The following BCAS3 variants were observed in gnomAD, a reference collection of about 807,000 sequenced individuals.
BCAS3 encodes the protein BCAS3 microtubule associated cell migration factor, also known as BCAS4/BCAS3 fusion.
A neutral mutation model predicts 116.1 loss-of-function variants in BCAS3; 53 were observed. That is an observed-to-expected ratio of 0.46 (90% CI 0.37 to 0.57). The LOEUF is 0.57. Ranked by LOEUF, BCAS3 falls within the 20% of genes least tolerant of loss-of-function variation. The pLI, the probability that BCAS3 is intolerant of heterozygous loss-of-function variation, is 0.00. For synonymous variants in BCAS3, 391 were observed against 408.2 expected (o/e 0.96, Z 0.51); for missense variants, 917 against 1,165.4 (o/e 0.79, Z 3.10).
At position 61,226,016 on chromosome 17, in the gene BCAS3, A is replaced by G. The variant is rs556212481; in HGVS notation, c.2425+141452A>G. Reference sequence around the variant, plus strand: ...GTAAATTGCCTGCTTTTCCCCTGTCATCTGCTAATTCCAATTTGATACTGT... The same window carrying G: ...GTAAATTGCCTGCTTTTCCCCTGTCGTCTGCTAATTCCAATTTGATACTGT... On this transcript the variant is annotated intron_variant, in intron 22 of 23. Coordinates refer to ENST00000407086, the MANE Select transcript of BCAS3 (RefSeq NM_017679.5). This position sits in a 1 kb window ranked among gnomAD's most constrained non-coding sequence, Gnocchi z 6.0. Among the ~76,000 whole-genome samples the G allele has an allele frequency of 6.6e-6, 1 of 152,128 alleles. No homozygotes were observed. The highest frequency in any genetic ancestry group is 1.9e-4 in the East Asian group (1 of 5,192).
At chr17:60,694,046 C>G (rs992779437) in intron 4 of BCAS3, among the ~76,000 whole-genome samples, 1 of 150,750 alleles carries the variant, frequency 6.6e-6, no homozygotes, top group Non-Finnish European at 1.5e-5. Context: ...CCACCATGCC[C>G]GGCTAATTTT....
intron 19 of BCAS3, among the ~76,000 whole-genome samples, chr17:61,053,018 G>A (rs918146798): frequency 2.0e-5 from 3 of 152,010 alleles, no homozygotes; most frequent in African/African-American, 7.2e-5. Flanking sequence ...CGCCTGGCCT[G>A]TGGTGAGTTT....
rs920301431 is a variant in BCAS3, at chr17:61,199,747, A to G, written c.2425+115183A>G. Among the ~76,000 whole-genome samples the G allele has an allele frequency of 2.0e-5, 3 of 150,276 alleles. No homozygotes were observed. Among genetic ancestry groups the G allele is most frequent in the Non-Finnish European group, 4.4e-5 (3 of 67,604 alleles). On this transcript the variant is annotated intron_variant, in intron 22 of 23. Coordinates refer to ENST00000407086, the MANE Select transcript of BCAS3 (RefSeq NM_017679.5). The surrounding 1 kb of genome is among the most constrained non-coding windows in gnomAD (Gnocchi z 4.6). ...GGATCCCTATGATCTTTGTAAGCGT[A>G]TTCATGCCAGGAATGTTGTCCTCAG...
At chr17:60,999,573 A>AAAG (rs2064097193) in intron 15 of BCAS3, among the ~76,000 whole-genome samples, 8 of 138,038 alleles carry the variant, frequency 5.8e-5, no homozygotes, top group African/African-American at 2.5e-4. Flanking sequence ...AAGAAAAAGA[A>AAAG]AAAGAAATGT....
intron 22 of BCAS3, among the ~76,000 whole-genome samples, chr17:61,291,020 T>G (rs1390716429): frequency 6.6e-6 from 1 of 152,164 alleles, no homozygotes; most frequent in East Asian, 1.9e-4. Flanking sequence ...GACCTCATAA[T>G]CCACCCGCCT....
intron 19 of BCAS3, among the ~76,000 whole-genome samples, chr17:61,042,734 G>C (rs1411192066): frequency 6.7e-6 from 1 of 149,922 alleles, no homozygotes; most frequent in South Asian, 2.1e-4. Context: ...CTAAAAATAC[G>C]AAAAAATTAG....
At chr17:61,031,929 TG>T (rs1250968333) in intron 16 of BCAS3, among the ~76,000 whole-genome samples, 1 of 152,162 alleles carries the variant, frequency 6.6e-6, no homozygotes, top group Non-Finnish European at 1.5e-5. Flanking sequence ...AACACCGTGT[TG>T]ATGCTTTTTA....
intron 7 of BCAS3, among the ~76,000 whole-genome samples, chr17:60,830,677 C>T (rs1190751869): frequency 6.6e-6 from 1 of 151,836 alleles, no homozygotes; most frequent in Non-Finnish European, 1.5e-5. Flanking sequence ...TCCTTTTACA[C>T]AAAAGGAGTT....
At chr17:60,973,586 A>ATATATATGTATATATATATAT (rs752524305) in intron 14 of BCAS3, among the ~76,000 whole-genome samples, 1 of 137,976 alleles carries the variant, frequency 7.2e-6, no homozygotes, top group African/African-American at 2.9e-5. Context: ...CCTTATTATT[A>ATATATATGTATATATATATAT]ATATATATAT....
intron 14 of BCAS3, among the ~76,000 whole-genome samples, chr17:60,981,559 C>T (rs145814895): frequency 3.3e-5 from 5 of 152,054 alleles, no homozygotes; most frequent in African/African-American, 1.2e-4. Flanking sequence ...CTAGGATTAC[C>T]TACGTGAGCC....
intron 6 of BCAS3, among the ~76,000 whole-genome samples, chr17:60,807,651 A>C (rs2048401813): frequency 6.6e-6 from 1 of 152,072 alleles, no homozygotes; most frequent in South Asian, 2.1e-4. Context: ...GCATGGTGGT[A>C]CGTGCCTGTA....
chr17:60,719,018 C>T (rs906324548), intron 5 of BCAS3, among the ~76,000 whole-genome samples: 4 of 152,032 alleles, frequency 2.6e-5, no homozygotes, highest in African/African-American at 7.2e-5. Context: ...GCCAAGATCG[C>T]GCCATTGCAC....
intron 22 of BCAS3, among the ~76,000 whole-genome samples, chr17:61,308,881 T>C (rs1180107567): frequency 6.6e-6 from 1 of 151,914 alleles, no homozygotes; most frequent in Non-Finnish European, 1.5e-5. Flanking sequence ...ATGGTTTGAG[T>C]TTTTTCAGCT....
intron 15 of BCAS3, among the ~76,000 whole-genome samples, chr17:60,999,476 T>C (rs2064078720): frequency 6.7e-6 from 1 of 149,372 alleles, no homozygotes; most frequent in Non-Finnish European, 1.5e-5. Context: ...GCGAGCTGAA[T>C]GTTGCAGTGA....
chr17:60,823,950 G>A lies in BCAS3; in HGVS notation c.476+15874G>A, dbSNP rs187142229. ...TGATTCTGATATTGAATGTCCCCCTGGAAGTGGATCACCTGACTACTACCT... is the reference window on the plus strand; with the variant it reads ...TGATTCTGATATTGAATGTCCCCCTAGAAGTGGATCACCTGACTACTACCT... On this transcript the variant is annotated intron_variant, in intron 7 of 23. Coordinates refer to ENST00000407086, the MANE Select transcript of BCAS3 (RefSeq NM_017679.5). Among the ~76,000 whole-genome samples, 249 of 152,194 alleles carry A rather than the reference G, an allele frequency of 1.6e-3. 1 individual carries two copies. Among genetic ancestry groups the A allele is most frequent in the African/African-American group, 5.7e-3 (236 of 41,534 alleles).
chr17:61,364,442 G>A lies in BCAS3; in HGVS notation c.2426-3885G>A, dbSNP rs778619112. Among the ~76,000 whole-genome samples, 25 of 152,214 alleles carry A rather than the reference G, an allele frequency of 1.6e-4. No homozygotes were observed. The highest frequency in any genetic ancestry group is 2.4e-4 in the Non-Finnish European group (16 of 68,034). On this transcript the variant is annotated intron_variant, in intron 22 of 23. Transcript: ENST00000407086. This position sits in a 1 kb window ranked among gnomAD's most constrained non-coding sequence, Gnocchi z 5.4. ...CACATATTGTGGTTCTTGGCCAGGC[G>A]CAGTGGCTCATGCCTGTAATTCCAG...
intron 9 of BCAS3, among the ~76,000 whole-genome samples, chr17:60,884,638 G>C (rs1370745736): frequency 4.9e-5 from 7 of 142,660 alleles, no homozygotes. Flanking sequence ...ATTCTGGTAT[G>C]TTGTGTCTTT....
chr17:60,856,527 G>T (rs2144831910), intron 7 of BCAS3, among the ~76,000 whole-genome samples: 1 of 151,798 alleles, frequency 6.6e-6, no homozygotes, highest in East Asian at 1.9e-4. Context: ...TGTCTCTACT[G>T]AAAATACAAA....
chr17:60,811,413 A>G, intron 7 of BCAS3: 1 of 613,566 alleles, frequency 1.6e-6, no homozygotes, highest in Non-Finnish European at 3.0e-6. Context: ...AGGATAGTGG[A>G]TGGCAAAGTG....
Sources: allele counts gnomAD v4.1 joint callset (sites outside exome capture counted in the v4.1 genomes callset), GRCh38; gene constraint gnomAD v4.1.1; non-coding constraint Gnocchi (gnomAD v3.1); transcripts MANE v1.5; gene names NCBI Gene and HGNC (gene_info 2026-07-23, HGNC 2026-07-21).